Variants in NECTIN2 observed in about 807,000 individuals in gnomAD.
The protein encoded by NECTIN2 is nectin-2.
A neutral mutation model predicts 56.9 loss-of-function variants in NECTIN2; 23 were observed. The observed-to-expected ratio is 0.40, with a 90% confidence interval of 0.29 to 0.57. NECTIN2 has a LOEUF of 0.57. Ranked by LOEUF, NECTIN2 falls within the 20% of genes least tolerant of loss-of-function variation. NECTIN2 has a pLI of 0.38. For missense variants in NECTIN2, 587 were observed against 718.3 expected, an observed-to-expected ratio of 0.82 and a Z score of 2.09; for synonymous variants, 302 against 313.8, an observed-to-expected ratio of 0.96 and a Z score of 0.40.
Position 44,865,533 on chromosome 19 carries a change from G to A in NECTIN2, c.351G>A (p.Glu117=), listed in dbSNP as rs1969090045. ...AGCAGAGCACTGGGCAAGACACAGA[G>A]GCAGAGCTCCAGGACGCCACGCTGG... The part of the protein sequence containing the change: ...SAKQSTGQDT[E]AELQDATLAL... The change falls in exon 2 of 9, where the codon GAG becomes GAA. Residue 117 remains glutamate, a synonymous_variant. Coordinates refer to ENST00000252483, the MANE Select transcript of NECTIN2 (RefSeq NM_001042724.2). This position sits in a 1 kb window ranked among gnomAD's most constrained non-coding sequence, Gnocchi z 5.2. The A allele has an allele frequency of 6.3e-7, 1 of 1,585,126 alleles. No homozygotes were observed. Among genetic ancestry groups the A allele is most frequent in the East Asian group, 2.3e-5 (1 of 43,136 alleles).
rs759211086 is a variant in NECTIN2 at position 44,889,121 on chromosome 19, T to C, written c.*742T>C. The stretch of plus-strand genomic sequence containing the variant: ...TACCCTTGCCCAGTGGAATAGGACC[T>C]AAACATCCCCCTTCCGGGGAAAGTG... On this transcript the variant is annotated 3_prime_UTR_variant, in exon 9 of 9. Transcript: ENST00000252483. 1.3e-5 allele frequency: 2 copies of C among 152,340 alleles called. No homozygotes were observed. Among genetic ancestry groups the C allele is most frequent in the Non-Finnish European group, 2.9e-5 (2 of 68,062 alleles). 9.4% of individuals were successfully genotyped at this position (152,340 alleles called of 1,614,324 possible).
In NECTIN2 at chr19:44,888,208, A is replaced by G. The variant is rs1229652536; in HGVS notation, c.1446A>G (p.Pro482=). The change falls in exon 9 of 9, where the codon CCA becomes CCG. Residue 482 remains proline, a synonymous_variant. Coordinates refer to ENST00000252483, the MANE Select transcript of NECTIN2 (RefSeq NM_001042724.2). ...TGGGGTCCCCCATCCCGGTGCCTCC[A>G]GGGCCACCTGCTGTGGAAGACGTTT... ...TSLGSPIPVP[P]GPPAVEDVSL... 14 of 1,614,044 alleles carry G rather than the reference A, an allele frequency of 8.7e-6. No individual in the cohort carries two copies. Among genetic ancestry groups the G allele is most frequent in the Non-Finnish European group, 1.2e-5 (14 of 1,180,032 alleles).
intron 5 of NECTIN2, chr19:44,878,599 AC>A (rs1309000602): frequency 2.0e-5 from 32 of 1,604,136 alleles, no homozygotes; most frequent in Non-Finnish European, 2.7e-5. Flanking sequence ...CCCTCATCTC[AC>A]GGCGGGCAGT....
intron 5 of NECTIN2, among the ~76,000 whole-genome samples, chr19:44,876,001 G>GAGT (rs1969232885): frequency 6.6e-6 from 1 of 152,078 alleles, no homozygotes; most frequent in African/African-American, 2.4e-5. Flanking sequence ...GGCTGCACAC[G>GAGT]GAGGAATGTC....
intron 1 of NECTIN2, among the ~76,000 whole-genome samples, chr19:44,851,610 A>C (rs1278294461): frequency 1.3e-5 from 2 of 152,188 alleles, no homozygotes; most frequent in African/African-American, 4.8e-5. Flanking sequence ...CCACTCTGCC[A>C]CCACAGGAAG....
At chr19:44,864,763 G>A (rs1473036844) in intron 1 of NECTIN2, among the ~76,000 whole-genome samples, 1 of 151,990 alleles carries the variant, frequency 6.6e-6, no homozygotes, top group Non-Finnish European at 1.5e-5. Flanking sequence ...AGGAGGCGGA[G>A]CTTGCAGTGA....
In NECTIN2 at chr19:44,882,266, C is replaced by T. The variant is rs773570140; in HGVS notation, c.1098C>T (p.Ile366=). 7 of 1,558,724 alleles carry T rather than the reference C, an allele frequency of 4.5e-6. No homozygotes were observed. The highest frequency in any genetic ancestry group is 5.2e-6 in the Non-Finnish European group (6 of 1,151,828). Residue 366 remains isoleucine, a synonymous_variant, in exon 6 of 9, where the codon ATC becomes ATT. Coordinates refer to ENST00000252483, the MANE Select transcript of NECTIN2 (RefSeq NM_001042724.2). ...CAGGCGGCATCATCGGGGGCATCAT[C>T]GCCGCCATCATTGCTACTGCTGTGG... The part of the protein sequence containing the change: ...GATGGIIGGI[I]AAIIATAVAA...
At chr19:44,870,078 C>T (rs73556103) in intron 2 of NECTIN2, among the ~76,000 whole-genome samples, 2,196 of 152,234 alleles carry the variant, frequency 0.014, 55 homozygotes, top group African/African-American at 0.05. Context: ...GAATAGTTGG[C>T]CAGAGTCGGC....
In NECTIN2 at chr19:44,854,131, G is replaced by A. The variant is rs141984622; in HGVS notation, c.88+7518G>A. ...AAGTGGTGGGTTTGTTTGAGACCGA[G>A]TCCTCACTCTGTCACCCAGGCTGGA... On this transcript the variant is annotated intron_variant, in intron 1 of 8. Transcript: ENST00000252483. Among the ~76,000 whole-genome samples the A allele has an allele frequency of 3.8e-3, 570 of 151,762 alleles. 1 individual carries two copies. The highest frequency in any genetic ancestry group is 7.0e-3 in the Non-Finnish European group (473 of 67,878).
In NECTIN2 at chr19:44,860,412, C is replaced by T. The variant is rs376039942; in HGVS notation, c.89-4859C>T. Among the ~76,000 whole-genome samples the T allele has an allele frequency of 2.6e-5, 4 of 152,156 alleles. No individual in the cohort carries two copies. The South Asian group carries it at 8.3e-4, about 32-fold the overall frequency. ...CCTGTAGTCTCAGCTACTTGGGGGG[C>T]TGAGGTGGGAGGATCACTTCGGCCC... is the stretch of plus-strand genomic sequence containing the variant. On this transcript the variant is annotated intron_variant, in intron 1 of 8. Transcript: ENST00000252483.
intron 2 of NECTIN2, among the ~76,000 whole-genome samples, chr19:44,866,586 C>T (rs1461038454): frequency 6.6e-6 from 1 of 151,664 alleles, no homozygotes; most frequent in Non-Finnish European, 1.5e-5. Context: ...TACAAAGGCC[C>T]TGAGACAGGA....
At chr19:44,878,772 G>C (rs1969274125) in intron 5 of NECTIN2, 2 of 1,429,450 alleles carry the variant, frequency 1.4e-6, no homozygotes, top group Non-Finnish European at 1.8e-6. Context: ...GGAGGGAGGT[G>C]GAACAGCACA....
At chr19:44,886,335 C>T (rs1599929605) in intron 8 of NECTIN2, 116 bp downstream of exon 8, 1 of 820,456 alleles carries the variant, frequency 1.2e-6, no homozygotes, top group Non-Finnish European at 1.9e-6. Flanking sequence ...AAGGGTGTGT[C>T]CCCGGTTGGT....
intron 6 of NECTIN2, among the ~76,000 whole-genome samples, chr19:44,883,268 CTTTGT>C (rs1364860974): frequency 6.6e-6 from 1 of 152,050 alleles, no homozygotes; most frequent in East Asian, 1.9e-4. Flanking sequence ...AATCCCAGCA[CTTTGT>C]TTTGTTTTTG....
chr19:44,873,723 C>T (rs1323039434), intron 3 of NECTIN2, among the ~76,000 whole-genome samples, 193 bp from the exon 4 acceptor site: 1 of 152,162 alleles, frequency 6.6e-6, no homozygotes, highest in Non-Finnish European at 1.5e-5. Flanking sequence ...AAATTATCCA[C>T]AGTGGTTTCC....
chr19:44,867,545 T>G (rs892717324), intron 2 of NECTIN2, among the ~76,000 whole-genome samples: 1 of 152,106 alleles, frequency 6.6e-6, no homozygotes, highest in African/African-American at 2.4e-5. Context: ...GTAGGGGACA[T>G]AGTGGCCTCA....
chr19:44,859,104 T>G (rs1374522528), intron 1 of NECTIN2, among the ~76,000 whole-genome samples: 1 of 152,178 alleles, frequency 6.6e-6, no homozygotes, highest in Non-Finnish European at 1.5e-5. Flanking sequence ...CCTGTGTGTA[T>G]GACGCCAGGG....
intron 1 of NECTIN2, among the ~76,000 whole-genome samples, chr19:44,849,839 G>A (rs1968880248): frequency 6.6e-6 from 1 of 152,148 alleles, no homozygotes; most frequent in Non-Finnish European, 1.5e-5. Context: ...CGGGGACAGG[G>A]TATCTTCTCA....
intron 1 of NECTIN2, among the ~76,000 whole-genome samples, chr19:44,855,730 C>T (rs1343627705): frequency 1.3e-5 from 2 of 152,162 alleles, no homozygotes; most frequent in Non-Finnish European, 2.9e-5. Flanking sequence ...CTGCAGCATC[C>T]ACACTTAGCA....
Sources: allele counts gnomAD v4.1 joint callset (sites outside exome capture counted in the v4.1 genomes callset), GRCh38; gene constraint gnomAD v4.1.1; non-coding constraint Gnocchi (gnomAD v3.1); transcripts MANE v1.5; gene names NCBI Gene and HGNC (gene_info 2026-07-23, HGNC 2026-07-21).